Variants in PLXDC2 observed in about 807,000 individuals in gnomAD.
PLXDC2 encodes the protein plexin domain containing 2, also known as plexin domain-containing protein 2.
Under a neutral mutation model 68.9 loss-of-function variants are expected in PLXDC2, and 40 were observed. That is an observed-to-expected ratio of 0.58 (90% CI 0.45 to 0.76). The LOEUF (loss-of-function observed/expected upper bound fraction) is 0.76. Among genes scored for constraint, PLXDC2 ranks in the 30% least tolerant of loss-of-function variants. The pLI is 0.00. For missense variants in PLXDC2, 644 were observed against 661.9 expected (o/e 0.97, Z 0.30); for synonymous variants, 243 against 234.2 (o/e 1.04, Z -0.34).
At chr10:20,051,436 A>C (rs1162592276) in intron 3 of PLXDC2, among the ~76,000 whole-genome samples, 1 of 116,728 alleles carries the variant, frequency 8.6e-6, no homozygotes, top group Non-Finnish European at 1.9e-5. Flanking sequence ...ATATATATAT[A>C]TATATATGTG....
chr10:20,164,572 G>A lies in PLXDC2; in HGVS notation c.883+5G>A, dbSNP rs753231170. 5 of 1,601,894 alleles carry A rather than the reference G, an allele frequency of 3.1e-6. No homozygotes were observed. Among genetic ancestry groups the A allele is most frequent in the Non-Finnish European group, 2.6e-6 (3 of 1,169,264 alleles). Reference sequence around the variant, plus strand: ...ACAGGATCCAACAAATTCCCAGTACGTAGAAGAAGGGCAGTCGCAATGAGT... The same window carrying A: ...ACAGGATCCAACAAATTCCCAGTACATAGAAGAAGGGCAGTCGCAATGAGT... On this transcript the variant is annotated splice_donor_5th_base_variant and intron_variant, in intron 7 of 13. Coordinates refer to ENST00000377252, the MANE Select transcript of PLXDC2 (RefSeq NM_032812.9).
chr10:20,271,404 G>C (rs1835939293), intron 13 of PLXDC2, among the ~76,000 whole-genome samples: 1 of 152,150 alleles, frequency 6.6e-6, no homozygotes, highest in Admixed American at 6.6e-5. Flanking sequence ...GAGAGATATA[G>C]TATTGAGAGT....
At chr10:20,250,992 T>C (rs1835668215) in intron 13 of PLXDC2, among the ~76,000 whole-genome samples, 2 of 152,212 alleles carry the variant, frequency 1.3e-5, no homozygotes, top group African/African-American at 4.8e-5. Flanking sequence ...TTTAGATTTC[T>C]TACTGTAAAA....
chr10:20,023,505 G>T (rs1293462364), intron 2 of PLXDC2, among the ~76,000 whole-genome samples: 1 of 152,128 alleles, frequency 6.6e-6, no homozygotes, highest in Non-Finnish European at 1.5e-5. Flanking sequence ...GTTATTGATG[G>T]AGGGGTTTCT....
chr10:19,901,816 T>C (rs1838165325), intron 1 of PLXDC2, among the ~76,000 whole-genome samples: 1 of 152,206 alleles, frequency 6.6e-6, no homozygotes, highest in South Asian at 2.1e-4. Context: ...ACGTCTTAGA[T>C]TTAAGTCTTT....
intron 1 of PLXDC2, among the ~76,000 whole-genome samples, chr10:19,910,171 TA>T (rs1564626212): frequency 1.4e-4 from 2 of 14,572 alleles, no homozygotes; most frequent in African/African-American, 1.2e-3. Flanking sequence ...TACACTTTTA[TA>T]TATATATATA....
chr10:20,245,433 A>G lies in PLXDC2; in HGVS notation c.1401A>G (p.Val467=). The stretch of plus-strand genomic sequence containing the variant: ...GAATCCTCATCCTGGTCCTCATTGT[A>G]GCCACAGCCATTCTTGTGACAGTCT... ...IIGILILVLI[V]ATAILVTVYM... is the part of the protein sequence containing the mutation. The change falls in exon 13 of 14, where the codon GTA becomes GTG. Residue 467 remains valine, a synonymous_variant. Coordinates refer to ENST00000377252, the MANE Select transcript of PLXDC2 (RefSeq NM_032812.9). The G allele has an allele frequency of 1.2e-6, 2 of 1,613,814 alleles. No homozygotes were observed. The highest frequency in any genetic ancestry group is 1.7e-6 in the Non-Finnish European group (2 of 1,179,958).
chr10:19,906,319 A>G (rs919394658), intron 1 of PLXDC2, among the ~76,000 whole-genome samples: 2 of 152,232 alleles, frequency 1.3e-5, no homozygotes, highest in African/African-American at 4.8e-5. Flanking sequence ...GAGACATATC[A>G]TGCCACAGTA....
chr10:19,922,856 T>TATTAATATACATAGTTATTAAGC (rs1833482899), intron 1 of PLXDC2, among the ~76,000 whole-genome samples: 1 of 152,184 alleles, frequency 6.6e-6, no homozygotes, highest in African/African-American at 2.4e-5. Context: ...ACTATTTCCT[T>TATTAATATACATAGTTATTAAGC]ATTAATAACA....
chr10:19,860,214 G>C (rs1837293413), intron 1 of PLXDC2, among the ~76,000 whole-genome samples: 1 of 152,184 alleles, frequency 6.6e-6, no homozygotes, highest in African/African-American at 2.4e-5. Flanking sequence ...GCAGGGTGCA[G>C]TTTGCAATCA....
chr10:19,997,934 A>G (rs1834869129), intron 1 of PLXDC2, among the ~76,000 whole-genome samples: 1 of 152,220 alleles, frequency 6.6e-6, no homozygotes, highest in Non-Finnish European at 1.5e-5. Context: ...TGTGTTTTCA[A>G]AGCTTCGTCT....
chr10:20,067,376 A>C (rs1437084988), intron 3 of PLXDC2, among the ~76,000 whole-genome samples: 2 of 152,106 alleles, frequency 1.3e-5, no homozygotes, highest in Non-Finnish European at 2.9e-5. Flanking sequence ...AGCTGATTGT[A>C]TTTGAAACAT....
intron 2 of PLXDC2, among the ~76,000 whole-genome samples, chr10:20,023,269 T>C (rs1835343823): frequency 6.6e-6 from 1 of 152,020 alleles, no homozygotes; most frequent in Non-Finnish European, 1.5e-5. Context: ...TATCCTCATT[T>C]ATTCACATTT....
At chr10:20,128,811 A>G (rs1330281714) in intron 4 of PLXDC2, among the ~76,000 whole-genome samples, 1 of 152,122 alleles carries the variant, frequency 6.6e-6, no homozygotes, top group Non-Finnish European at 1.5e-5. Context: ...GACACAAATG[A>G]CTTCCTTCTC....
At chr10:20,106,595 C>T (rs1221964980) in intron 4 of PLXDC2, among the ~76,000 whole-genome samples, 1 of 152,110 alleles carries the variant, frequency 6.6e-6, no homozygotes, top group East Asian at 1.9e-4. Flanking sequence ...GAGGGGGGAG[C>T]TGTCATAGGA....
intron 1 of PLXDC2, among the ~76,000 whole-genome samples, chr10:19,821,321 C>T (rs1207279367): frequency 6.6e-6 from 1 of 152,178 alleles, no homozygotes; most frequent in African/African-American, 2.4e-5. Flanking sequence ...GCTCTTCCTT[C>T]TCTAAGTGCG....
intron 4 of PLXDC2, among the ~76,000 whole-genome samples, chr10:20,076,546 A>AT (rs150999647): frequency 0.016 from 2,505 of 152,282 alleles, 65 homozygotes; most frequent in African/African-American, 0.057. Context: ...CTAATACTGC[A>AT]TTTTTCCCCC....
At chr10:19,923,150 A>G (rs78468259) in intron 1 of PLXDC2, among the ~76,000 whole-genome samples, 288 of 152,296 alleles carry the variant, frequency 1.9e-3, no homozygotes, top group Non-Finnish European at 3.7e-3. Flanking sequence ...GCCAGCATTA[A>G]GCAGAAGGTG....
rs537292786 is a variant in PLXDC2 at position 20,179,207 on chromosome 10, T to C, written c.1061+1798T>C. Among the ~76,000 whole-genome samples, 48 of 152,246 alleles carry C rather than the reference T, an allele frequency of 3.2e-4. 1 individual carries two copies. In the South Asian group the frequency reaches 8.9e-3, roughly 28 times the overall value. On this transcript the variant is annotated intron_variant, in intron 9 of 13. Transcript: ENST00000377252. ...CTCGTCCAAGTCTGCATGAGGTGCC[T>C]ATCAGCTATGTTTCTTTGCATCCTG...
Sources: gnomAD v4.1 joint callset for allele counts (sites outside exome capture counted in the v4.1 genomes callset) on GRCh38, gnomAD v4.1.1 for gene constraint, MANE v1.5 for transcripts, NCBI Gene and HGNC (gene_info 2026-07-23, HGNC 2026-07-21) for gene names.